Variants in SGCZ observed in about 807,000 individuals in gnomAD.
SGCZ encodes the protein sarcoglycan zeta, also known as zeta-sarcoglycan.
A neutral mutation model predicts 41.3 loss-of-function variants in SGCZ; 40 were observed. That is an observed-to-expected ratio of 0.97 (90% CI 0.75 to 1.26). The LOEUF is 1.26. Among genes scored for constraint, SGCZ ranks in the 50% most tolerant of loss-of-function variants. The pLI, the probability that SGCZ is intolerant of heterozygous loss-of-function variation, is 0.00. For missense variants in SGCZ, 552 were observed against 369.8 expected, an observed-to-expected ratio of 1.49 and a Z score of -4.04; for synonymous variants, 206 against 137.5, an observed-to-expected ratio of 1.50 and a Z score of -3.49.
rs146762189 is a variant in SGCZ, at chr8:14,624,246, G to A, written c.40-69320C>T. On this transcript the variant is annotated intron_variant, in intron 1 of 7. Transcript: ENST00000382080. ...ACAAAGCCAAAATAAACTACTGAAGGTCCCTCTCTGTTGAAAGCCTTAGGA... is the reference window on the plus strand; with the variant it reads ...ACAAAGCCAAAATAAACTACTGAAGATCCCTCTCTGTTGAAAGCCTTAGGA... Among the ~76,000 whole-genome samples, 682 of 152,096 alleles carry A rather than the reference G, an allele frequency of 4.5e-3. 8 individuals carry two copies. Among genetic ancestry groups the A allele is most frequent in the African/African-American group, 0.016 (658 of 41,514 alleles).
chr8:14,757,723 C>T (rs575749901), intron 1 of SGCZ, among the ~76,000 whole-genome samples: 6 of 152,276 alleles, frequency 3.9e-5, no homozygotes, highest in Non-Finnish European at 5.9e-5. Flanking sequence ...CGAATCAGAA[C>T]CTAAAAATAA....
At chr8:14,257,891 T>C (rs1465793126) in intron 3 of SGCZ, among the ~76,000 whole-genome samples, 4 of 152,320 alleles carry the variant, frequency 2.6e-5, no homozygotes, top group South Asian at 4.1e-4. Context: ...TATTCTTATA[T>C]TTGAAACTGG....
chr8:14,842,057 T>A (rs571186083), intron 1 of SGCZ, among the ~76,000 whole-genome samples: 1 of 152,182 alleles, frequency 6.6e-6, no homozygotes, highest in Non-Finnish European at 1.5e-5. Flanking sequence ...CATCAAATCC[T>A]GGGGTAGATT....
At chr8:14,987,251 T>C (rs1331411953) in intron 1 of SGCZ, among the ~76,000 whole-genome samples, 1 of 151,876 alleles carries the variant, frequency 6.6e-6, no homozygotes, top group Non-Finnish European at 1.5e-5. Flanking sequence ...TGTATAAAAG[T>C]AGAGATACTG....
chr8:14,834,830 T>A (rs1179537110), intron 1 of SGCZ, among the ~76,000 whole-genome samples: 1 of 152,174 alleles, frequency 6.6e-6, no homozygotes, highest in African/African-American at 2.4e-5. Context: ...ACTGATTTAA[T>A]CTCTGCAGGA....
At chr8:14,153,662 C>T (rs752300587) in intron 5 of SGCZ, among the ~76,000 whole-genome samples, 1 of 152,120 alleles carries the variant, frequency 6.6e-6, no homozygotes, top group Non-Finnish European at 1.5e-5. Flanking sequence ...TATAAACCCC[C>T]TACCAAGCCA....
At chr8:14,610,975 T>A (rs1805909810) in intron 1 of SGCZ, among the ~76,000 whole-genome samples, 1 of 152,174 alleles carries the variant, frequency 6.6e-6, no homozygotes, top group African/African-American at 2.4e-5. Context: ...ATTTCCTGTT[T>A]TCTTTGATAG....
chr8:14,094,712 C>A (rs1282132192), intron 7 of SGCZ, among the ~76,000 whole-genome samples: 1 of 151,062 alleles, frequency 6.6e-6, no homozygotes. Flanking sequence ...AATCTCCGCA[C>A]TGTCTTCCAC....
chr8:14,821,594 G>T (rs1408964408), intron 1 of SGCZ, among the ~76,000 whole-genome samples: 1 of 151,932 alleles, frequency 6.6e-6, no homozygotes, highest in Non-Finnish European at 1.5e-5. Context: ...AAATCCAATA[G>T]CACATTAAAA....
At chr8:14,717,002 T>G (rs1013797480) in intron 1 of SGCZ, among the ~76,000 whole-genome samples, 10 of 152,100 alleles carry the variant, frequency 6.6e-5, no homozygotes, top group African/African-American at 1.4e-4. Flanking sequence ...CAAAAAAGCA[T>G]GAAAGGTATG....
rs546658568 is a variant in SGCZ at position 14,872,229 on chromosome 8, G to A, written c.40-317303C>T. Reference sequence around the variant, plus strand: ...AAATACCTAATGTAGATGACAGGTTGATGGGTTCAGCAAACCACCATGGCA... The same window carrying A: ...AAATACCTAATGTAGATGACAGGTTAATGGGTTCAGCAAACCACCATGGCA... On this transcript the variant is annotated intron_variant, in intron 1 of 7. Transcript: ENST00000382080. Among the ~76,000 whole-genome samples, 387 of 152,042 alleles carry A rather than the reference G, an allele frequency of 2.5e-3. 3 individuals carry two copies. The highest frequency in any genetic ancestry group is 8.9e-3 in the African/African-American group (371 of 41,480).
At chr8:14,695,080 C>T (rs1043400698) in intron 1 of SGCZ, among the ~76,000 whole-genome samples, 1 of 151,938 alleles carries the variant, frequency 6.6e-6, no homozygotes, top group African/African-American at 2.4e-5. Flanking sequence ...AGCAAAGTGA[C>T]TAATGTCCAA....
intron 1 of SGCZ, among the ~76,000 whole-genome samples, chr8:14,563,924 G>A (rs4831605): frequency 0.52 from 78,684 of 151,788 alleles, 22,261 homozygotes; most frequent in Non-Finnish European, 0.63. Context: ...TATTACTCAC[G>A]TAAACCCTGA....
At chr8:14,412,850 A>C (rs1040367506) in intron 2 of SGCZ, among the ~76,000 whole-genome samples, 1 of 152,086 alleles carries the variant, frequency 6.6e-6, no homozygotes, top group Non-Finnish European at 1.5e-5. Context: ...TGACATTCTG[A>C]AACTTGATAG....
At chr8:14,358,308 G>A (rs934346510) in intron 2 of SGCZ, among the ~76,000 whole-genome samples, 4 of 152,052 alleles carry the variant, frequency 2.6e-5, no homozygotes, top group African/African-American at 9.7e-5. Context: ...ATGCAGAAAG[G>A]GTTTAGTGAG....
At chr8:14,476,074 G>C (rs1413645177) in intron 2 of SGCZ, among the ~76,000 whole-genome samples, 1 of 151,948 alleles carries the variant, frequency 6.6e-6, no homozygotes, top group African/African-American at 2.4e-5. Context: ...CAAAGTATTG[G>C]GATTACTGGT....
At chr8:14,131,449 A>G (rs1170576425) in intron 5 of SGCZ, among the ~76,000 whole-genome samples, 2 of 152,142 alleles carry the variant, frequency 1.3e-5, no homozygotes, top group Non-Finnish European at 2.9e-5. Flanking sequence ...CAATTTCTGT[A>G]TGTTATTCCA....
At chr8:14,538,481 G>A (rs1423331454) in intron 2 of SGCZ, among the ~76,000 whole-genome samples, 1 of 151,954 alleles carries the variant, frequency 6.6e-6, no homozygotes, top group Non-Finnish European at 1.5e-5. Flanking sequence ...ACCTGTGGAA[G>A]TGAGGACTGT....
chr8:14,847,125 G>GAAA (rs1165657791), intron 1 of SGCZ, among the ~76,000 whole-genome samples: 1 of 61,754 alleles, frequency 1.6e-5, no homozygotes, highest in Non-Finnish European at 3.6e-5. Context: ...AGAAGAAGAA[G>GAAA]AAAGAAGAAG....
Sources: gnomAD v4.1 joint callset for allele counts (sites outside exome capture counted in the v4.1 genomes callset) on GRCh38, gnomAD v4.1.1 for gene constraint, MANE v1.5 for transcripts, NCBI Gene and HGNC (gene_info 2026-07-23, HGNC 2026-07-21) for gene names.